Variants in LRP1B observed in about 807,000 individuals in gnomAD.
The protein encoded by LRP1B is LDL receptor related protein 1B, also known as low-density lipoprotein receptor-related protein 1B.
Under a neutral mutation model 556.6 loss-of-function variants are expected in LRP1B, and 217 were observed. That is an observed-to-expected ratio of 0.39 (90% CI 0.35 to 0.44). The LOEUF (loss-of-function observed/expected upper bound fraction) is 0.44. Ranked by LOEUF, LRP1B falls within the 20% of genes least tolerant of loss-of-function variation. The pLI, the probability that LRP1B is intolerant of heterozygous loss-of-function variation, is 1.00. For synonymous variants in LRP1B, 2,047 were observed against 1,865.8 expected, an observed-to-expected ratio of 1.10 and a Z score of -2.50; for missense variants, 5,053 against 5,620.8, an observed-to-expected ratio of 0.90 and a Z score of 3.23.
intron 41 of LRP1B, among the ~76,000 whole-genome samples, chr2:140,613,380 A>AT (rs1313632024): frequency 1.2e-4 from 15 of 127,434 alleles, no homozygotes; most frequent in Admixed American, 4.5e-4. Context: ...AATATATATA[A>AT]TTATATACAT....
chr2:141,769,720 T>C (rs1251776640), intron 2 of LRP1B, among the ~76,000 whole-genome samples: 1 of 152,226 alleles, frequency 6.6e-6, no homozygotes, highest in Non-Finnish European at 1.5e-5. Context: ...GCTGCATAAT[T>C]GGCATTTCCT....
At chr2:141,522,574 C>T (rs1482108400) in intron 2 of LRP1B, among the ~76,000 whole-genome samples, 1 of 152,104 alleles carries the variant, frequency 6.6e-6, no homozygotes, top group African/African-American at 2.4e-5. Context: ...AAACTGCTGA[C>T]ATTCAGAAAA....
intron 3 of LRP1B, among the ~76,000 whole-genome samples, chr2:141,444,740 C>T (rs951765873): frequency 3.9e-5 from 6 of 152,068 alleles, no homozygotes; most frequent in African/African-American, 1.4e-4. Flanking sequence ...TATTGATTTC[C>T]ACATGTTAAA....
chr2:140,337,917 C>G (rs769478221), intron 77 of LRP1B, among the ~76,000 whole-genome samples: 4 of 151,632 alleles, frequency 2.6e-5, no homozygotes, highest in African/African-American at 4.8e-5. Context: ...CAATTAATAA[C>G]CCAGTTTCCT....
chr2:140,890,518 T>C (rs890545535), intron 23 of LRP1B, among the ~76,000 whole-genome samples: 1 of 152,184 alleles, frequency 6.6e-6, no homozygotes, highest in Non-Finnish European at 1.5e-5. Flanking sequence ...AGTCATTTTA[T>C]GTTGAGAAAA....
In LRP1B at chr2:140,424,437, T is replaced by G. The variant is rs974928078; in HGVS notation, c.10414+18067A>C. 1.1e-4 allele frequency among the ~76,000 whole-genome samples: 16 copies of G among 152,186 alleles called. 1 individual carries two copies. The highest frequency in any genetic ancestry group is 1.5e-5 in the Non-Finnish European group (1 of 68,030). On this transcript the variant is annotated intron_variant, in intron 66 of 90. Transcript: ENST00000389484. ...ATTCATGATACAGCTGTGGCCTAAA[T>G]TTGCCACAGAAAATTCTACTTTTCC...
At chr2:140,744,763 C>A (rs1245408432) in intron 35 of LRP1B, among the ~76,000 whole-genome samples, 1 of 152,110 alleles carries the variant, frequency 6.6e-6, no homozygotes, top group Non-Finnish European at 1.5e-5. Flanking sequence ...TTCTTCTAGG[C>A]ATTTATCATT....
intron 2 of LRP1B, among the ~76,000 whole-genome samples, chr2:141,616,816 C>T (rs1688316678): frequency 6.6e-6 from 1 of 152,164 alleles, no homozygotes; most frequent in Admixed American, 6.6e-5. Context: ...TACAATCACT[C>T]TTTACTGTTT....
At position 141,404,880 on chromosome 2, in the gene LRP1B, A is replaced by G. The variant is rs977828349; in HGVS notation, c.343+75516T>C. Among the ~76,000 whole-genome samples, 4 of 152,058 alleles carry G rather than the reference A, an allele frequency of 2.6e-5. No individual in the cohort carries two copies. The East Asian group carries it at 7.7e-4, about 29-fold the overall frequency. On this transcript the variant is annotated intron_variant, in intron 3 of 90. Transcript: ENST00000389484. ...TGGGCAGAAGCCTTGATTAAAATAG[A>G]GAATATGTTTTTTTTTTTTACCATA...
intron 32 of LRP1B, among the ~76,000 whole-genome samples, chr2:140,804,187 C>T (rs1690629085): frequency 6.6e-6 from 1 of 151,952 alleles, no homozygotes; most frequent in African/African-American, 2.4e-5. Flanking sequence ...TCAGACTCCC[C>T]ACCTTGTTAT....
At chr2:141,366,363 A>T (rs1358633204) in intron 3 of LRP1B, among the ~76,000 whole-genome samples, 1 of 152,234 alleles carries the variant, frequency 6.6e-6, no homozygotes, top group Non-Finnish European at 1.5e-5. Context: ...GTTGAAATAA[A>T]CACAATAACT....
rs556701691 is a variant in LRP1B at position 140,965,118 on chromosome 2, A to T, written c.2888-13178T>A. Among the ~76,000 whole-genome samples, 191 of 152,348 alleles carry T rather than the reference A, an allele frequency of 1.3e-3. 1 individual carries two copies. The highest frequency in any genetic ancestry group is 4.2e-3 in the African/African-American group (174 of 41,584). The stretch of plus-strand genomic sequence containing the variant: ...AATTACCCATGCCTGAGCCTCCATT[A>T]TAATTTAATTGGCAATATAGGGCAT... On this transcript the variant is annotated intron_variant, in intron 18 of 90. Transcript: ENST00000389484.
intron 2 of LRP1B, among the ~76,000 whole-genome samples, chr2:141,522,300 T>C (rs1684554175): frequency 6.6e-6 from 1 of 152,162 alleles, no homozygotes; most frequent in South Asian, 2.1e-4. Flanking sequence ...GACTAGATTC[T>C]TCTTTTCCAT....
intron 3 of LRP1B, among the ~76,000 whole-genome samples, chr2:141,476,464 C>T (rs957679202): frequency 3.3e-5 from 5 of 152,108 alleles, no homozygotes; most frequent in Non-Finnish European, 7.3e-5. Context: ...ATATGAAGTA[C>T]TGTGTAGAAA....
At chr2:140,293,740 T>C (rs1440085073) in intron 84 of LRP1B, among the ~76,000 whole-genome samples, 1 of 152,162 alleles carries the variant, frequency 6.6e-6, no homozygotes, top group Non-Finnish European at 1.5e-5. Context: ...GTCATTTTAA[T>C]GCCACTGTCC....
intron 1 of LRP1B, among the ~76,000 whole-genome samples, chr2:141,863,904 T>C (rs559148822): frequency 6.6e-6 from 1 of 152,150 alleles, no homozygotes; most frequent in African/African-American, 2.4e-5. Context: ...ACAGGAAGAC[T>C]ATGGCTATCA....
intron 2 of LRP1B, among the ~76,000 whole-genome samples, chr2:141,497,683 G>C (rs1371111952): frequency 6.6e-6 from 1 of 151,994 alleles, no homozygotes; most frequent in Non-Finnish European, 1.5e-5. Flanking sequence ...AATGCTTAAA[G>C]AGTTGAATAG....
At chr2:140,903,289 C>G (rs1043362576) in intron 22 of LRP1B, 124 bp from the exon 23 acceptor site, 1 of 1,116,264 alleles carries the variant, frequency 9.0e-7, no homozygotes, top group African/African-American at 1.6e-5. Context: ...TATAAGAAAG[C>G]CCTCTTTGGC....
intron 41 of LRP1B, among the ~76,000 whole-genome samples, chr2:140,678,713 T>C (rs932102951): frequency 6.6e-6 from 1 of 151,450 alleles, no homozygotes; most frequent in African/African-American, 2.4e-5. Context: ...TTCTGAAGGC[T>C]GCAAATCTAA....
Sources: allele counts gnomAD v4.1 joint callset (sites outside exome capture counted in the v4.1 genomes callset), GRCh38; gene constraint gnomAD v4.1.1; transcripts MANE v1.5; gene names NCBI Gene and HGNC (gene_info 2026-07-23, HGNC 2026-07-21).